Variants in ANKS6 observed in about 807,000 individuals in gnomAD.
ANKS6 encodes ankyrin repeat and sterile alpha motif domain containing 6.
ANKS6 carries 47 observed loss-of-function variants against 77.9 expected under a neutral mutation model. That is an observed-to-expected ratio of 0.60 (90% CI 0.48 to 0.77). ANKS6 has a LOEUF of 0.77. Among genes scored for constraint, ANKS6 ranks in the 30% least tolerant of loss-of-function variants. The pLI is 0.00. For missense variants in ANKS6, 1,150 were observed against 1,159.1 expected, an observed-to-expected ratio of 0.99 and a Z score of 0.11; for synonymous variants, 488 against 501.7, an observed-to-expected ratio of 0.97 and a Z score of 0.37.
chr9:98,750,224 T>G (rs560260894), intron 13 of ANKS6, among the ~76,000 whole-genome samples: 1 of 152,356 alleles, frequency 6.6e-6, no homozygotes, highest in Admixed American at 6.5e-5. Context: ...ATCTACTTTT[T>G]GTGTCTACAG....
intron 10 of ANKS6, 55 bp downstream of exon 10, chr9:98,770,841 C>T: frequency 7.5e-7 from 1 of 1,335,414 alleles, no homozygotes; most frequent in Admixed American, 3.2e-5. Flanking sequence ...CAGTGCACAC[C>T]CTCAGTCCCA....
chr9:98,751,724 C>A (rs949352073), intron 12 of ANKS6, among the ~76,000 whole-genome samples: 1 of 152,280 alleles, frequency 6.6e-6, no homozygotes, highest in South Asian at 2.1e-4. Flanking sequence ...TTTACTCACA[C>A]ATTCAATAGG....
intron 2 of ANKS6, among the ~76,000 whole-genome samples, chr9:98,789,601 T>C (rs1003816787): frequency 6.6e-6 from 1 of 152,176 alleles, no homozygotes; most frequent in Admixed American, 6.5e-5. Flanking sequence ...ATCCCACTGC[T>C]TGTTTTTGTA....
chr9:98,781,158 C>A (rs1471332470), intron 5 of ANKS6, among the ~76,000 whole-genome samples: 1 of 152,192 alleles, frequency 6.6e-6, no homozygotes, highest in Non-Finnish European at 1.5e-5. Context: ...CCTCAGCCTC[C>A]CAAAGTGCTG....
intron 12 of ANKS6, among the ~76,000 whole-genome samples, chr9:98,754,524 C>T (rs111384835): frequency 0.054 from 8,227 of 151,970 alleles, 713 homozygotes; most frequent in African/African-American, 0.19. Flanking sequence ...CACCTGAGGT[C>T]CCAGCTACTT....
chr9:98,738,393 AAAAC>A (rs1324203526), intron 14 of ANKS6, among the ~76,000 whole-genome samples: 5 of 152,302 alleles, frequency 3.3e-5, no homozygotes, highest in East Asian at 1.9e-4. Flanking sequence ...CAACAAGAAA[AAAAC>A]AAACAATCCC....
intron 2 of ANKS6, 178 bp downstream of exon 2, chr9:98,789,926 A>C (rs1464935810): frequency 1.1e-6 from 1 of 933,920 alleles, no homozygotes; most frequent in Non-Finnish European, 1.5e-6. Flanking sequence ...GTGGGCCCAG[A>C]ACCTGCATGT....
At chr9:98,754,155 T>C (rs1832575370) in intron 12 of ANKS6, among the ~76,000 whole-genome samples, 1 of 152,198 alleles carries the variant, frequency 6.6e-6, no homozygotes, top group Admixed American at 6.5e-5. Context: ...GTGCATAGGT[T>C]AGGGCATCCA....
At chr9:98,773,251 A>G (rs1226393756) in intron 9 of ANKS6, among the ~76,000 whole-genome samples, 1 of 152,186 alleles carries the variant, frequency 6.6e-6, no homozygotes, top group Non-Finnish European at 1.5e-5. Flanking sequence ...TCGTATAGAG[A>G]TAGAGGCCAC....
chr9:98,732,274 C>A lies in ANKS6; in HGVS notation c.*4245G>T. The A allele has an allele frequency of 1.7e-6, 1 of 595,444 alleles. No individual in the cohort carries two copies. 36.9% of individuals were successfully genotyped at this position (595,444 alleles called of 1,614,324 possible). On this transcript the variant is annotated 3_prime_UTR_variant, in exon 15 of 15. Coordinates refer to ENST00000353234, the MANE Select transcript of ANKS6 (RefSeq NM_173551.5). Reference sequence around the variant, plus strand: ...AAAGTTGTCCAGCCTCCGGCCTGGCCCATGTCTTCAGGCAGCTCTGAGGCA... The same window carrying A: ...AAAGTTGTCCAGCCTCCGGCCTGGCACATGTCTTCAGGCAGCTCTGAGGCA...
intron 11 of ANKS6, among the ~76,000 whole-genome samples, chr9:98,766,241 T>TTATA (rs1178979419): frequency 2.0e-5 from 3 of 152,246 alleles, no homozygotes; most frequent in Admixed American, 2.0e-4. Flanking sequence ...GAGAATATAC[T>TTATA]TATATATAAT....
chr9:98,766,967 T>C (rs938790501), intron 11 of ANKS6, among the ~76,000 whole-genome samples: 2 of 152,170 alleles, frequency 1.3e-5, no homozygotes, highest in Non-Finnish European at 2.9e-5. Flanking sequence ...AGGGTTATGC[T>C]GCACTACTGG....
chr9:98,752,989 G>A (rs1832511563), intron 12 of ANKS6, among the ~76,000 whole-genome samples: 1 of 151,812 alleles, frequency 6.6e-6, no homozygotes, highest in Admixed American at 6.6e-5. Context: ...CTTTGCTCCT[G>A]CTGTTCCCTA....
At chr9:98,780,905 T>TC (rs1834212560) in intron 5 of ANKS6, among the ~76,000 whole-genome samples, 1 of 143,642 alleles carries the variant, frequency 7.0e-6, no homozygotes, top group African/African-American at 2.5e-5. Context: ...GACTATTTCT[T>TC]TTTTTTTTTT....
chr9:98,748,171 G>A (rs986477301), intron 13 of ANKS6, among the ~76,000 whole-genome samples: 20 of 152,196 alleles, frequency 1.3e-4, no homozygotes, highest in African/African-American at 4.3e-4. Context: ...CTTAGTATGC[G>A]TTTGCTGAAT....
chr9:98,774,013 A>G lies in ANKS6; in HGVS notation c.1685T>C (p.Leu562Pro), dbSNP rs1359721426. The G allele has an allele frequency of 1.3e-6, 2 of 1,571,592 alleles. No individual in the cohort carries two copies. Among genetic ancestry groups the G allele is most frequent in the Non-Finnish European group, 1.7e-6 (2 of 1,160,002 alleles). The change falls in exon 9 of 15, where the codon CTA (leucine) becomes CCA (proline). Residue 562 changes from leucine to proline, a missense_variant. By Grantham distance (98) the Leu-to-Pro change is moderately conservative (BLOSUM62 -3). Coordinates refer to ENST00000353234, the MANE Select transcript of ANKS6 (RefSeq NM_173551.5). The stretch of plus-strand genomic sequence containing the variant: ...CCACAGCTCAAAACTGGAAGGGGGT[A>G]GGAATGGGGGGATGACTGCTTTCAG... ...DKLKAVIPPF[L>P]PPSSFELWSS...
intron 12 of ANKS6, 128 bp downstream of exon 12, chr9:98,756,292 T>A (rs1028602581): frequency 2.0e-6 from 2 of 997,002 alleles, no homozygotes; most frequent in Non-Finnish European, 2.9e-6. Context: ...GAGGGACATG[T>A]TTGTCGTAAA....
In ANKS6 at chr9:98,791,766, C is replaced by CCTGGCGG. The variant is rs1408018765; in HGVS notation, c.360-1167_360-1161dup. Among the ~76,000 whole-genome samples, 1 of 152,160 alleles carries CCTGGCGG rather than the reference C, an allele frequency of 6.6e-6. No individual in the cohort carries two copies. Among genetic ancestry groups the CCTGGCGG allele is most frequent in the Non-Finnish European group, 1.5e-5 (1 of 68,008 alleles). On this transcript the variant is annotated intron_variant, in intron 1 of 14. Transcript: ENST00000353234. The surrounding 1 kb of genome is among the most constrained non-coding windows in gnomAD (Gnocchi z 4.3). ...CATCTAAACCCAAGACCTCCCTCCT[C>CCTGGCGG]CTGGCGGCTGGCGGCCAGGCCAGGG...
chr9:98,790,127 A>G lies in ANKS6; in HGVS notation c.839T>C (p.Leu280Pro), dbSNP rs1222603286. The change falls in exon 2 of 15, where the codon CTG (leucine) becomes CCG (proline). Residue 280 changes from leucine (L) to proline (P), a missense_variant. By Grantham distance (98) the Leu-to-Pro change is moderately conservative. Transcript: ENST00000353234. Reference protein sequence around the residue: ...HRDLVDYLDPLTTVRPKTDEE... With the variant: ...HRDLVDYLDPPTTVRPKTDEE... ...ACCTGTTTTGGGCCTGACGGTGGTC[A>G]GCGGGTCCAGGTAGTCTACAAGGTC... The G allele has an allele frequency of 3.2e-6, 5 of 1,570,220 alleles. No homozygotes were observed. Among genetic ancestry groups the G allele is most frequent in the South Asian group, 2.3e-5 (2 of 86,432 alleles).
Sources: gnomAD v4.1 joint callset for allele counts (sites outside exome capture counted in the v4.1 genomes callset) on GRCh38, gnomAD v4.1.1 for gene constraint, Gnocchi (gnomAD v3.1) non-coding constraint, MANE v1.5 for transcripts, NCBI Gene and HGNC (gene_info 2026-07-23, HGNC 2026-07-21) for gene names.